Variants in CDH13 observed in about 807,000 individuals in gnomAD.
CDH13 encodes the protein cadherin 13, also known as cadherin-13.
In CDH13, 24 loss-of-function variants were observed where a neutral mutation model predicts 63.8. The ratio of observed to expected loss-of-function variants is 0.38; its 90% CI spans 0.27 to 0.53. The LOEUF is 0.53. Ranked by LOEUF, CDH13 falls within the 20% of genes least tolerant of loss-of-function variation. The probability of loss-of-function intolerance (pLI) is 0.85; values close to 1 mark genes in which losing one functional copy is unlikely to be tolerated. For missense variants in CDH13, 1,049 were observed against 903.1 expected (o/e 1.16, Z -2.07); for synonymous variants, 503 against 355.3 (o/e 1.42, Z -4.67).
At chr16:83,290,591 T>C (rs987034837) in intron 5 of CDH13, among the ~76,000 whole-genome samples, 10 of 152,218 alleles carry the variant, frequency 6.6e-5, no homozygotes, top group Admixed American at 4.6e-4. Context: ...TCTTTATAAA[T>C]TATGCAGTCT....
intron 4 of CDH13, among the ~76,000 whole-genome samples, chr16:83,130,833 G>T (rs1326308088): frequency 6.6e-6 from 1 of 152,126 alleles, no homozygotes; most frequent in East Asian, 1.9e-4. Flanking sequence ...ATTACAACCT[G>T]AATTCCTGTA....
intron 1 of CDH13, among the ~76,000 whole-genome samples, chr16:82,787,718 A>T (rs186621061): frequency 5.3e-5 from 8 of 152,344 alleles, no homozygotes; most frequent in Admixed American, 5.2e-4. Flanking sequence ...GCTGGACTCA[A>T]TCCCAAATTA....
chr16:82,652,855 C>T (rs545096582), intron 1 of CDH13, among the ~76,000 whole-genome samples: 2 of 152,238 alleles, frequency 1.3e-5, no homozygotes, highest in African/African-American at 4.8e-5. Flanking sequence ...ATGAGAGAGG[C>T]ACATTTAACA....
chr16:82,691,248 C>A (rs766119710), intron 1 of CDH13, among the ~76,000 whole-genome samples: 3 of 152,204 alleles, frequency 2.0e-5, no homozygotes, highest in Non-Finnish European at 2.9e-5. Context: ...AGGTACTGTG[C>A]ACCTCAGAGG....
intron 8 of CDH13, among the ~76,000 whole-genome samples, chr16:83,615,175 A>G (rs910275580): frequency 2.6e-5 from 4 of 152,128 alleles, no homozygotes; most frequent in Non-Finnish European, 5.9e-5. Flanking sequence ...CGTGCAATAT[A>G]TTTGAGTGCT....
intron 6 of CDH13, among the ~76,000 whole-genome samples, chr16:83,456,715 A>G (rs1179472652): frequency 6.6e-6 from 1 of 152,210 alleles, no homozygotes; most frequent in Admixed American, 6.5e-5. Context: ...TAATCCCAGC[A>G]CTTTGGGAGG....
At chr16:83,534,785 C>A (rs191948453) in intron 7 of CDH13, among the ~76,000 whole-genome samples, 1 of 152,240 alleles carries the variant, frequency 6.6e-6, no homozygotes, top group South Asian at 2.1e-4. Context: ...TATGAGCATG[C>A]ATTTGCAAAC....
chr16:83,580,299 G>C (rs1905443470), intron 7 of CDH13, among the ~76,000 whole-genome samples: 1 of 152,100 alleles, frequency 6.6e-6, no homozygotes, highest in Admixed American at 6.5e-5. Flanking sequence ...TTACAGGAGA[G>C]GTAGTGAGAA....
chr16:82,630,395 A>G (rs751659909), intron 1 of CDH13, among the ~76,000 whole-genome samples: 59 of 152,216 alleles, frequency 3.9e-4, no homozygotes, highest in Non-Finnish European at 5.7e-4. Context: ...GTAATCTGGA[A>G]TTTGTGTAAT....
chr16:83,267,121 A>T (rs1027412537), intron 5 of CDH13, among the ~76,000 whole-genome samples: 10 of 152,200 alleles, frequency 6.6e-5, no homozygotes, highest in African/African-American at 2.4e-4. Flanking sequence ...AGAGACATGC[A>T]TGCCTCATTC....
rs1426421757 is a variant in CDH13 at position 82,746,323 on chromosome 16, A to G, written c.46-112039A>G. ...TATATACATATTTTAAACAATTTCTAAGTCATACTCAAATAGAGATGATAG... is the reference window on the plus strand; with the variant it reads ...TATATACATATTTTAAACAATTTCTGAGTCATACTCAAATAGAGATGATAG... On this transcript the variant is annotated intron_variant, in intron 1 of 13. Transcript: ENST00000567109. Among the ~76,000 whole-genome samples, 3 of 151,264 alleles carry G rather than the reference A, an allele frequency of 2.0e-5. No homozygotes were observed. The East Asian group carries it at 5.8e-4, about 29-fold the overall frequency.
chr16:83,475,238 C>G (rs186831875), intron 6 of CDH13, among the ~76,000 whole-genome samples: 8 of 152,358 alleles, frequency 5.3e-5, no homozygotes, highest in Admixed American at 5.2e-4. Context: ...TCCACCTGCT[C>G]TTGAGCTTGC....
At chr16:83,517,934 G>C (rs967325189) in intron 7 of CDH13, among the ~76,000 whole-genome samples, 1 of 152,086 alleles carries the variant, frequency 6.6e-6, no homozygotes, top group Non-Finnish European at 1.5e-5. Context: ...TCATTTTACA[G>C]ATAAGAAAAC....
intron 8 of CDH13, among the ~76,000 whole-genome samples, chr16:83,616,633 A>G (rs1909306325): frequency 6.6e-6 from 1 of 152,196 alleles, no homozygotes; most frequent in Admixed American, 6.5e-5. Flanking sequence ...CTCTAAGAAT[A>G]TGACATGACT....
chr16:83,748,287 T>C (rs200702004), intron 11 of CDH13, 37 bp downstream of exon 11: 706 of 1,552,840 alleles, frequency 4.5e-4, no homozygotes, highest in Non-Finnish European at 5.8e-4. Context: ...GGTATACTTT[T>C]CTGCTACAAA....
intron 2 of CDH13, among the ~76,000 whole-genome samples, chr16:82,881,691 T>A (rs566104404): frequency 6.6e-6 from 1 of 152,278 alleles, no homozygotes; most frequent in South Asian, 2.1e-4. Flanking sequence ...CCATCTGGTA[T>A]CCATGGAGAC....
At chr16:83,263,894 A>T (rs1269679159) in intron 5 of CDH13, among the ~76,000 whole-genome samples, 1 of 152,214 alleles carries the variant, frequency 6.6e-6, no homozygotes, top group Admixed American at 6.5e-5. Flanking sequence ...TTTAAAAAAA[A>T]TAATGATAGC....
chr16:83,585,748 A>T (rs1435932942), intron 7 of CDH13, among the ~76,000 whole-genome samples: 1 of 152,086 alleles, frequency 6.6e-6, no homozygotes, highest in African/African-American at 2.4e-5. Context: ...AAAAAAACTT[A>T]TCATTCTCCC....
intron 5 of CDH13, among the ~76,000 whole-genome samples, chr16:83,290,043 G>T (rs537538334): frequency 1.1e-4 from 16 of 152,254 alleles, no homozygotes; most frequent in African/African-American, 2.2e-4. Flanking sequence ...AGATTGGCCT[G>T]TTTGGGGACT....
Sources: gnomAD v4.1 joint callset for allele counts (sites outside exome capture counted in the v4.1 genomes callset) on GRCh38, gnomAD v4.1.1 for gene constraint, MANE v1.5 for transcripts, NCBI Gene and HGNC (gene_info 2026-07-23, HGNC 2026-07-21) for gene names.